Variants in TRPV1 observed in about 807,000 individuals in gnomAD.
The protein encoded by TRPV1 is transient receptor potential cation channel subfamily V member 1.
In TRPV1, 82 loss-of-function variants were observed where a neutral mutation model predicts 82.3. That is an observed-to-expected ratio of 1.00 (90% confidence interval 0.83 to 1.20). The LOEUF (loss-of-function observed/expected upper bound fraction) is 1.20, where lower values mean the gene tolerates loss of function less well. Ranked by LOEUF, TRPV1 falls within the 50% of genes most tolerant of loss-of-function variation. The probability of loss-of-function intolerance (pLI) is 0.00; values close to 1 mark genes in which losing one functional copy is unlikely to be tolerated. For missense variants in TRPV1, 1,067 were observed against 1,096.8 expected, an observed-to-expected ratio of 0.97 and a Z score of 0.38; for synonymous variants, 515 against 467.7, an observed-to-expected ratio of 1.10 and a Z score of -1.30.
intron 10 of TRPV1, among the ~76,000 whole-genome samples, chr17:3,581,730 C>T (rs1266807339): frequency 7.0e-6 from 1 of 142,450 alleles, no homozygotes; most frequent in South Asian, 2.3e-4. Context: ...ACTAAAAATA[C>T]AAAAATTAGC....
chr17:3,583,393 C>A lies in TRPV1; in HGVS notation c.1421G>T (p.Arg474Leu), dbSNP rs777474651. ...CACAGACAGGATCTCTCCAGTAACT[C>A]GGAAATAGTCTCCAGTTTTTTCCAT... The part of the protein sequence containing the change: ...FKMEKTGDYF[R>L]VTGEILSVLG... The change falls in exon 10 of 17, where the codon CGA becomes CTA. Residue 474 changes from arginine (R) to leucine (L), a missense_variant. By Grantham distance (102) the Arg-to-Leu change is moderately radical (BLOSUM62 -2). Coordinates refer to ENST00000572705, the MANE Select transcript of TRPV1 (RefSeq NM_080704.4). 3 of 1,609,840 alleles carry A rather than the reference C, an allele frequency of 1.9e-6. No individual in the cohort carries two copies. Among genetic ancestry groups the A allele is most frequent in the Non-Finnish European group, 2.5e-6 (3 of 1,178,110 alleles).
intron 2 of TRPV1, among the ~76,000 whole-genome samples, chr17:3,596,523 C>A (rs961926593): frequency 2.0e-5 from 3 of 152,208 alleles, no homozygotes; most frequent in Admixed American, 6.5e-5. Context: ...CCCAGCCCTG[C>A]GCTCGTCCAC....
chr17:3,584,827 T>C (rs1169110292), intron 9 of TRPV1, among the ~76,000 whole-genome samples: 1 of 152,078 alleles, frequency 6.6e-6, no homozygotes, highest in Non-Finnish European at 1.5e-5. Flanking sequence ...GTAAGTAAAC[T>C]TGTAAAGTGC....
intron 7 of TRPV1, chr17:3,588,884 TCAGGCCCA>T: frequency 3.9e-6 from 6 of 1,530,002 alleles, no homozygotes; most frequent in Non-Finnish European, 5.2e-6. Context: ...CTGCACCATA[TCAGGCCCA>T]CAATCCCCTC....
Position 3,573,822 on chromosome 17 carries a change from C to T in TRPV1, c.1914G>A (p.Leu638=), listed in dbSNP as rs754084814. 1 of 1,613,844 alleles carries T rather than the reference C, an allele frequency of 6.2e-7. No homozygotes were observed. Among genetic ancestry groups the T allele is most frequent in the Non-Finnish European group, 8.5e-7 (1 of 1,179,864 alleles). The change falls in exon 14 of 17, where the codon CTG becomes CTA. Residue 638 remains leucine, a synonymous_variant. Transcript: ENST00000572705. ...CGCCCATGCCGATGGTGAACTTGAA[C>T]AGCTCCAGGCAGGTGGAGTACAGGC... ...YNSLYSTCLE[L]FKFTIGMGDL... is the part of the protein sequence containing the mutation.
intron 14 of TRPV1, among the ~76,000 whole-genome samples, chr17:3,572,891 A>G (rs530060852): frequency 2.8e-4 from 42 of 149,706 alleles, no homozygotes; most frequent in South Asian, 2.0e-3. Context: ...GCTGAGGCAG[A>G]AGAACCGCTT....
intron 10 of TRPV1, among the ~76,000 whole-genome samples, chr17:3,582,081 T>A (rs1197434359): frequency 6.8e-6 from 1 of 146,476 alleles, no homozygotes; most frequent in Non-Finnish European, 1.5e-5. Context: ...TCCCAGCTAC[T>A]CGGGAGGCTG....
chr17:3,607,331 G>C (rs181398276), intron 2 of TRPV1, among the ~76,000 whole-genome samples: 1 of 151,606 alleles, frequency 6.6e-6, no homozygotes, highest in Admixed American at 6.6e-5. Flanking sequence ...GCGACAGAGG[G>C]AGACTCTGCC....
At chr17:3,591,428 G>C in intron 3 of TRPV1, 75 bp from the exon 4 acceptor site, 1 of 1,491,020 alleles carries the variant, frequency 6.7e-7, no homozygotes, top group Non-Finnish European at 8.9e-7. Context: ...CTTGTCAAGG[G>C]AACACGACTA....
intron 2 of TRPV1, among the ~76,000 whole-genome samples, chr17:3,598,121 CAG>C (rs1298314600): frequency 3.3e-5 from 5 of 152,212 alleles, no homozygotes; most frequent in Non-Finnish European, 5.9e-5. Flanking sequence ...CTGAGAAAAA[CAG>C]TGAGGTCTAG....
rs1230964605 is a variant in TRPV1, at chr17:3,577,176, A to C, written c.1730T>G (p.Leu577Arg). 1 of 1,582,470 alleles carries C rather than the reference A, an allele frequency of 6.3e-7. No homozygotes were observed. Among genetic ancestry groups the C allele is most frequent in the Non-Finnish European group, 8.6e-7 (1 of 1,164,664 alleles). The stretch of plus-strand genomic sequence containing the variant: ...GATGTAGACAAACATGAAACGGCAC[A>C]GGTCTCTCAGGATCATCTGCAGGAG... ...VMIEKMILRD[L>R]CRFMFVYIVF... Residue 577 changes from leucine (L) to arginine (R), a missense_variant, in exon 13 of 17, where the codon CTG becomes CGG. By Grantham distance (102) the Leu-to-Arg change is moderately radical. Coordinates refer to ENST00000572705, the MANE Select transcript of TRPV1 (RefSeq NM_080704.4).
chr17:3,584,140 C>T (rs1387082858), intron 9 of TRPV1, among the ~76,000 whole-genome samples: 1 of 151,964 alleles, frequency 6.6e-6, no homozygotes, highest in African/African-American at 2.4e-5. Context: ...CGTGGTAGCT[C>T]ATGGCTGTAA....
intron 16 of TRPV1, among the ~76,000 whole-genome samples, chr17:3,569,584 A>G (rs1212990622): frequency 2.6e-5 from 4 of 152,238 alleles, no homozygotes; most frequent in Admixed American, 2.6e-4. Context: ...CCTTTGAGTT[A>G]AAGAAGAAGA....
chr17:3,580,551 G>T, intron 10 of TRPV1, 24 bp from the exon 11 acceptor site: 1 of 1,613,628 alleles, frequency 6.2e-7, no homozygotes, highest in Non-Finnish European at 8.5e-7. Context: ...GAGAGAGTAA[G>T]ATCCCAGGCA....
intron 2 of TRPV1, among the ~76,000 whole-genome samples, chr17:3,600,352 C>G (rs1393521831): frequency 6.6e-6 from 1 of 152,158 alleles, no homozygotes; most frequent in Non-Finnish European, 1.5e-5. Flanking sequence ...CTTTGGGAGG[C>G]AGAAGTGGGC....
At chr17:3,582,427 C>G (rs2075032939) in intron 10 of TRPV1, among the ~76,000 whole-genome samples, 1 of 151,706 alleles carries the variant, frequency 6.6e-6, no homozygotes, top group African/African-American at 2.4e-5. Context: ...AAAACAAAAA[C>G]AAAAACCAAT....
At chr17:3,598,617 A>G (rs57115174) in intron 2 of TRPV1, among the ~76,000 whole-genome samples, 21,212 of 145,138 alleles carry the variant, frequency 0.15, 5,266 homozygotes, top group African/African-American at 0.52. Context: ...CCAGGCTGGA[A>G]TGCAATGGCG....
chr17:3,588,464 G>T, intron 7 of TRPV1, 97 bp from the exon 8 acceptor site: 2 of 1,398,072 alleles, frequency 1.4e-6, no homozygotes, highest in Non-Finnish European at 1.9e-6. Flanking sequence ...CCAGCTGGTG[G>T]CCCCACCTAA....
At chr17:3,606,263 C>T (rs1020114887) in intron 2 of TRPV1, among the ~76,000 whole-genome samples, 1 of 152,174 alleles carries the variant, frequency 6.6e-6, no homozygotes, top group African/African-American at 2.4e-5. Context: ...CACCAAAGGG[C>T]GCTTACTTCT....
Sources: gnomAD v4.1 joint callset for allele counts (sites outside exome capture counted in the v4.1 genomes callset) on GRCh38, gnomAD v4.1.1 for gene constraint, MANE v1.5 for transcripts, NCBI Gene and HGNC (gene_info 2026-07-23, HGNC 2026-07-21) for gene names.